Variants in MGAM2 observed in about 807,000 individuals in gnomAD.
MGAM2 encodes the protein maltase-glucoamylase 2 (putative).
In MGAM2, 98 loss-of-function variants were observed where a neutral mutation model predicts 96.1. The ratio of observed to expected loss-of-function variants is 1.02; its 90% confidence interval spans 0.87 to 1.21. The LOEUF (loss-of-function observed/expected upper bound fraction) is 1.21. Among genes scored for constraint, MGAM2 ranks in the 50% most tolerant of loss-of-function variants. The pLI is 0.00. For missense variants in MGAM2, 2,055 were observed against 1,182.4 expected (o/e 1.74, Z -10.82); for synonymous variants, 749 against 414.8 (o/e 1.81, Z -9.79).
At chr7:142,122,643 A>C (rs1794612276) in intron 3 of MGAM2, among the ~76,000 whole-genome samples, 1 of 152,184 alleles carries the variant, frequency 6.6e-6, no homozygotes, top group Admixed American at 6.5e-5. Flanking sequence ...AGCCTCTTTC[A>C]TTCAGCACAT....
intron 15 of MGAM2, among the ~76,000 whole-genome samples, chr7:142,149,731 C>T (rs571103401): frequency 1.1e-4 from 16 of 151,522 alleles, no homozygotes; most frequent in East Asian, 7.9e-4. Flanking sequence ...TTAGTAGAGA[C>T]GGGGTTTCAC....
intron 1 of MGAM2, among the ~76,000 whole-genome samples, chr7:142,113,311 G>C (rs996451731): frequency 3.9e-5 from 6 of 152,092 alleles, no homozygotes; most frequent in African/African-American, 1.4e-4. Context: ...AGCAGCTGGG[G>C]TTAGGACGTG....
intron 29 of MGAM2, 122 bp downstream of exon 29, chr7:142,172,316 T>C (rs1796222306): frequency 1.8e-6 from 1 of 552,358 alleles, no homozygotes; most frequent in African/African-American, 1.9e-5. Flanking sequence ...ATAAACTGAC[T>C]TTCCATTTAT....
At chr7:142,184,970 C>T (rs1585197353) in intron 33 of MGAM2, 107 bp from the exon 34 acceptor site, 1 of 525,484 alleles carries the variant, frequency 1.9e-6, no homozygotes, top group East Asian at 3.1e-5. Context: ...GCAAAGATTC[C>T]CAAGCGTTTC....
intron 31 of MGAM2, among the ~76,000 whole-genome samples, chr7:142,174,050 G>A (rs566679236): frequency 1.3e-5 from 2 of 152,226 alleles, no homozygotes; most frequent in South Asian, 2.1e-4. Context: ...GTCTGTTCTT[G>A]TACCAGTACC....
intron 15 of MGAM2, among the ~76,000 whole-genome samples, 197 bp downstream of exon 15, chr7:142,147,770 G>T (rs1018390814): frequency 6.6e-6 from 1 of 152,160 alleles, no homozygotes; most frequent in Non-Finnish European, 1.5e-5. Flanking sequence ...TCTTTGATTA[G>T]CTTATGGCTA....
At chr7:142,129,435 C>T (rs1204668373) in intron 3 of MGAM2, among the ~76,000 whole-genome samples, 1 of 152,060 alleles carries the variant, frequency 6.6e-6, no homozygotes, top group African/African-American at 2.4e-5. Context: ...TTGAGAGGGG[C>T]CCGGTGCAGA....
intron 32 of MGAM2, among the ~76,000 whole-genome samples, chr7:142,179,695 G>C (rs1796481907): frequency 6.6e-6 from 1 of 152,116 alleles, no homozygotes; most frequent in African/African-American, 2.4e-5. Context: ...TTGCGTCTCA[G>C]GGTTATGGAG....
chr7:142,136,911 G>T (rs555853701), intron 8 of MGAM2, among the ~76,000 whole-genome samples: 1 of 151,960 alleles, frequency 6.6e-6, no homozygotes, highest in Non-Finnish European at 1.5e-5. Flanking sequence ...ACTGATAGAC[G>T]CATTCCAAAA....
chr7:142,116,928 G>A lies in MGAM2; in HGVS notation c.55G>A (p.Val19Met), dbSNP rs1817423573. 2.8e-6 allele frequency: 2 copies of A among 703,426 alleles called. No individual in the cohort carries two copies. The highest frequency in any genetic ancestry group is 1.5e-5 in the South Asian group (1 of 67,600). The allele number at this position is 703,426 out of a possible 1,614,324, so 43.6% of individuals were successfully genotyped here. A position where few individuals can be genotyped will look rare whatever the true frequency, so the allele number is the denominator to read the frequency against. ...EVLLIIFCLIVVTIDILLLLL... is the reference protein window; with the variant it reads ...EVLLIIFCLIMVTIDILLLLL... ...CCTTCTGATCATCTTCTGCTTAATTGTGGTGACCATAGATATCCTCTTGCT... is the reference window on the plus strand; with the variant it reads ...CCTTCTGATCATCTTCTGCTTAATTATGGTGACCATAGATATCCTCTTGCT... The change falls in exon 2 of 48, where the codon GTG becomes ATG. Residue 19 changes from valine to methionine, a missense_variant. By Grantham distance (21) the Val-to-Met change is conservative. Coordinates refer to ENST00000477922, the MANE Select transcript of MGAM2 (RefSeq NM_001293626.2).
At chr7:142,183,179 C>G in intron 32 of MGAM2, 87 bp from the exon 33 acceptor site, 1 of 630,814 alleles carries the variant, frequency 1.6e-6, no homozygotes, top group Admixed American at 2.7e-5. Context: ...CCATTTCCTT[C>G]TGCACTATGA....
In MGAM2 at chr7:142,172,666, C is replaced by A; in HGVS notation, c.3463C>A (p.Pro1155Thr). Residue 1155 changes from proline (P) to threonine (T), a missense_variant, in exon 30 of 48, where the codon CCC (proline) becomes ACC (threonine). Physicochemically the swap from Pro to Thr is conservative, Grantham distance 38. Transcript: ENST00000477922. Reference sequence around the variant, plus strand: ...TTTTCTTACAGATGTGACATTACAGCCCACTCCTGCTCTGACATACCGCAC... The same window carrying A: ...TTTTCTTACAGATGTGACATTACAGACCACTCCTGCTCTGACATACCGCAC... ...NSNAMDVTLQ[P>T]TPALTYRTTG... The A allele has an allele frequency of 1.4e-6, 1 of 703,062 alleles. No individual in the cohort carries two copies. Among genetic ancestry groups the A allele is most frequent in the South Asian group, 1.5e-5 (1 of 67,314 alleles). The allele number at this position is 703,062 out of a possible 1,614,324, so 43.6% of individuals were successfully genotyped here.
At chr7:142,134,425 A>G (rs1054089229) in intron 7 of MGAM2, among the ~76,000 whole-genome samples, 4 of 152,186 alleles carry the variant, frequency 2.6e-5, no homozygotes, top group Non-Finnish European at 5.9e-5. Flanking sequence ...ATTATATTAG[A>G]ACCTAGTATA....
intron 3 of MGAM2, among the ~76,000 whole-genome samples, chr7:142,128,944 C>T (rs1794803242): frequency 6.6e-6 from 1 of 152,206 alleles, no homozygotes; most frequent in Admixed American, 6.5e-5. Context: ...AATGGTAGAT[C>T]CACTGATGGC....
intron 31 of MGAM2, among the ~76,000 whole-genome samples, chr7:142,174,410 C>T (rs1158360725): frequency 6.6e-6 from 1 of 151,940 alleles, no homozygotes; most frequent in African/African-American, 2.4e-5. Context: ...TAGCTGTATT[C>T]CTAGGTATTT....
chr7:142,156,724 G>A (rs1795746425), intron 17 of MGAM2, among the ~76,000 whole-genome samples: 1 of 152,266 alleles, frequency 6.6e-6, no homozygotes, highest in African/African-American at 2.4e-5. Context: ...GTCTCATGGA[G>A]TCATTCTATT....
chr7:142,197,427 A>G lies in MGAM2; in HGVS notation c.4660A>G (p.Thr1554Ala). The change falls in exon 41 of 48, where the codon ACC becomes GCC. Residue 1554 changes from threonine (T) to alanine (A), a missense_variant. Coordinates refer to ENST00000477922, the MANE Select transcript of MGAM2 (RefSeq NM_001293626.2). Reference protein sequence around the residue: ...RRQDPVAWNSTFEMLSRKVLE... With the variant: ...RRQDPVAWNSAFEMLSRKVLE... ...ACAAGATCCTGTGGCCTGGAATTCA[A>G]CCTTTGAGATGTTGTCCAGAAAAGT... 2.8e-6 allele frequency: 2 copies of G among 702,970 alleles called. No individual in the cohort carries two copies. The highest frequency in any genetic ancestry group is 2.0e-5 in the Admixed American group (1 of 50,014). The allele number at this position is 702,970 out of a possible 1,614,324, so 43.5% of individuals were successfully genotyped here. A position where few individuals can be genotyped will look rare whatever the true frequency, so the allele number is the denominator to read the frequency against.
At position 142,166,272 on chromosome 7, in the gene MGAM2, A is replaced by G. The variant is rs1414389341; in HGVS notation, c.2808+19A>G. On this transcript the variant is annotated intron_variant, in intron 25 of 47. Coordinates refer to ENST00000477922, the MANE Select transcript of MGAM2 (RefSeq NM_001293626.2). ...TTGGGAGGTAAATGACCAGAAACAG[A>G]TTACCTCATTGATTAGGAAGTAATT... 2.9e-6 allele frequency: 2 copies of G among 686,302 alleles called. No individual in the cohort carries two copies. Among genetic ancestry groups the G allele is most frequent in the Admixed American group, 2.1e-5 (1 of 46,866 alleles). The allele number at this position is 686,302 out of a possible 1,614,324, so 42.5% of individuals were successfully genotyped here.
intron 35 of MGAM2, among the ~76,000 whole-genome samples, chr7:142,187,360 C>A (rs371013318): frequency 3.3e-5 from 5 of 152,166 alleles, no homozygotes; most frequent in Non-Finnish European, 7.3e-5. Flanking sequence ...ATAATCCATG[C>A]GTAGTAAAAC....
Sources: gnomAD v4.1 joint callset for allele counts (sites outside exome capture counted in the v4.1 genomes callset) on GRCh38, gnomAD v4.1.1 for gene constraint, MANE v1.5 for transcripts, NCBI Gene and HGNC (gene_info 2026-07-23, HGNC 2026-07-21) for gene names.